Variants in PCOLCE observed in about 807,000 individuals in gnomAD.
PCOLCE encodes the protein procollagen C-endopeptidase enhancer.
A neutral mutation model predicts 47.2 loss-of-function variants in PCOLCE; 33 were observed. That is an observed-to-expected ratio of 0.70 (90% CI 0.53 to 0.93). The LOEUF (loss-of-function observed/expected upper bound fraction) is 0.93. Among genes scored for constraint, PCOLCE ranks in the 40% least tolerant of loss-of-function variants. PCOLCE has a pLI of 0.00. For synonymous variants in PCOLCE, 254 were observed against 252.5 expected (o/e 1.01, Z -0.06); for missense variants, 584 against 585.3 (o/e 1.00, Z 0.02).
In PCOLCE at chr7:100,607,978, G is replaced by A. The variant is rs766006564; in HGVS notation, c.1225G>A (p.Gly409Ser). 6.2e-7 allele frequency: 1 copy of A among 1,614,132 alleles called. No individual in the cohort carries two copies. Among genetic ancestry groups the A allele is most frequent in the South Asian group, 1.1e-5 (1 of 91,086 alleles). ...LLMGQVEENR[G>S]PVLPPESFVV... ...GATGGGCCAGGTAGAAGAGAACAGA[G>A]GCCCCGTCCTTCCTCCAGAGAGCTT... is the stretch of plus-strand genomic sequence containing the variant. The change falls in exon 9 of 9, where the codon GGC (glycine) becomes AGC (serine). Residue 409 changes from glycine to serine, a missense_variant. Gly to Ser is a moderately conservative substitution (Grantham distance 56). Coordinates refer to ENST00000223061, the MANE Select transcript of PCOLCE (RefSeq NM_002593.4).
chr7:100,605,571 A>G lies in PCOLCE; in HGVS notation c.589-105A>G. ...CGCCTTCAGGAGGGGGGCCCAGAGG[A>G]CGCGGGAGGTGGGAGTGGGAGCTGC... is the stretch of plus-strand genomic sequence containing the variant. On this transcript the variant is annotated intron_variant, in intron 4 of 8. Coordinates refer to ENST00000223061, the MANE Select transcript of PCOLCE (RefSeq NM_002593.4). The surrounding 1 kb of genome is among the most constrained non-coding windows in gnomAD (Gnocchi z 6.1). 7.2e-7 allele frequency: 1 copy of G among 1,379,626 alleles called. No homozygotes were observed. The highest frequency in any genetic ancestry group is 9.9e-7 in the Non-Finnish European group (1 of 1,014,194). 85.5% of individuals were successfully genotyped at this position (1,379,626 alleles called of 1,614,324 possible).
chr7:100,605,360 T>A lies in PCOLCE; in HGVS notation c.588+145T>A, dbSNP rs1802695514. On this transcript the variant is annotated intron_variant, in intron 4 of 8. Coordinates refer to ENST00000223061, the MANE Select transcript of PCOLCE (RefSeq NM_002593.4). The surrounding 1 kb of genome is among the most constrained non-coding windows in gnomAD (Gnocchi z 6.1). ...ACCCAAAACAGCCCCAACCCCTGCA[T>A]GCACGCAAACAAAAATGTAAAAATT... The A allele has an allele frequency of 1.3e-6, 1 of 793,170 alleles. No individual in the cohort carries two copies. Among genetic ancestry groups the A allele is most frequent in the African/African-American group, 1.7e-5 (1 of 57,158 alleles). 49.1% of individuals were successfully genotyped at this position (793,170 alleles called of 1,614,324 possible).
In PCOLCE at chr7:100,602,507, C is replaced by A; in HGVS notation, c.51C>A (p.Cys17Ter). ...TCCTGGGGCCCCTCCTCACTGCCTG[C>A]GCCCTGCTGCCTTTTGCCCAGGGCC... ...ASLLGPLLTA[C>*]ALLPFAQGQT... The change falls in exon 1 of 9, where the codon TGC becomes TGA. Residue 17 changes from cysteine to a stop codon, truncating the protein, a stop_gained. Coordinates refer to ENST00000223061, the MANE Select transcript of PCOLCE (RefSeq NM_002593.4). LOFTEE classifies it high-confidence loss of function. The A allele has an allele frequency of 6.2e-7, 1 of 1,612,992 alleles. No homozygotes were observed. The highest frequency in any genetic ancestry group is 8.5e-7 in the Non-Finnish European group (1 of 1,179,698).
Position 100,604,978 on chromosome 7 carries a change from T to A in PCOLCE, c.464-113T>A. 1 of 692,138 alleles carries A rather than the reference T, an allele frequency of 1.4e-6. No individual in the cohort carries two copies. Among genetic ancestry groups the A allele is most frequent in the South Asian group, 1.8e-5 (1 of 56,666 alleles). The allele number at this position is 692,138 out of a possible 1,614,324, so 42.9% of individuals were successfully genotyped here. ...ACCTCCCCTTCTTCTCGTCCCCTCA[T>A]CCTGAGCCCCAGACATCCGAGCTGC... is the stretch of plus-strand genomic sequence containing the variant. On this transcript the variant is annotated intron_variant, in intron 3 of 8. Transcript: ENST00000223061. The surrounding 1 kb of genome is among the most constrained non-coding windows in gnomAD (Gnocchi z 6.4).
chr7:100,603,851 C>T, intron 2 of PCOLCE, 108 bp from the exon 3 acceptor site: 2 of 1,307,696 alleles, frequency 1.5e-6, no homozygotes, highest in African/African-American at 2.9e-5. Context: ...GAGGCCCCTT[C>T]CCATTCAGTC....
chr7:100,606,950 G>T (rs1802727174), intron 6 of PCOLCE, among the ~76,000 whole-genome samples: 1 of 152,060 alleles, frequency 6.6e-6, no homozygotes, highest in Non-Finnish European at 1.5e-5. Flanking sequence ...AATTAGCCAG[G>T]TGTGGTGGTA....
At position 100,607,729 on chromosome 7, in the gene PCOLCE, C is replaced by T. The variant is rs1802741991; in HGVS notation, c.1105C>T (p.Leu369=). The change falls in exon 8 of 9, where the codon CTG becomes TTG. Residue 369 remains leucine (L), a synonymous_variant. Transcript: ENST00000223061. ...TATTGGTGCTTATAAAACTGGAGGA[C>T]TGGACCTGCCTTCTCCACCCACTGG... ...SLIGAYKTGG[L]DLPSPPTGAS... is the part of the protein sequence containing the mutation. 6.2e-7 allele frequency: 1 copy of T among 1,613,896 alleles called. No individual in the cohort carries two copies. The highest frequency in any genetic ancestry group is 1.3e-5 in the African/African-American group (1 of 74,984).
Position 100,602,508 on chromosome 7 carries a change from G to A in PCOLCE, c.52G>A (p.Ala18Thr). ...CCTGGGGCCCCTCCTCACTGCCTGCGCCCTGCTGCCTTTTGCCCAGGGCCA... is the reference window on the plus strand; with the variant it reads ...CCTGGGGCCCCTCCTCACTGCCTGCACCCTGCTGCCTTTTGCCCAGGGCCA... ...SLLGPLLTAC[A>T]LLPFAQGQTP... Residue 18 changes from alanine to threonine, a missense_variant, in exon 1 of 9, where the codon GCC (alanine) becomes ACC (threonine). Physicochemically the swap from Ala to Thr is moderately conservative, Grantham distance 58 (BLOSUM62 0). Coordinates refer to ENST00000223061, the MANE Select transcript of PCOLCE (RefSeq NM_002593.4). The A allele has an allele frequency of 6.2e-7, 1 of 1,613,028 alleles. No individual in the cohort carries two copies. The highest frequency in any genetic ancestry group is 8.5e-7 in the Non-Finnish European group (1 of 1,179,808).
chr7:100,604,285 C>A lies in PCOLCE; in HGVS notation c.463+68C>A. 1 of 1,397,408 alleles carries A rather than the reference C, an allele frequency of 7.2e-7. No individual in the cohort carries two copies. Among genetic ancestry groups the A allele is most frequent in the Non-Finnish European group, 9.7e-7 (1 of 1,034,866 alleles). 86.6% of individuals were successfully genotyped at this position (1,397,408 alleles called of 1,614,324 possible). Reference sequence around the variant, plus strand: ...GCCCCGGCCGCAGCCCCGCCCCCAGCCCTAACCTCCGCCCCGCCCACCCCG... The same window carrying A: ...GCCCCGGCCGCAGCCCCGCCCCCAGACCTAACCTCCGCCCCGCCCACCCCG... On this transcript the variant is annotated intron_variant, in intron 3 of 8. Transcript: ENST00000223061. This position sits in a 1 kb window ranked among gnomAD's most constrained non-coding sequence, Gnocchi z 6.4.
Position 100,602,491 on chromosome 7 carries a change from CCCT to C in PCOLCE, c.40_42del (p.Leu14del). 2 of 1,613,012 alleles carry C rather than the reference CCCT, an allele frequency of 1.2e-6. No individual in the cohort carries two copies. Among genetic ancestry groups the C allele is most frequent in the Non-Finnish European group, 1.7e-6 (2 of 1,179,854 alleles). On this transcript the variant is annotated inframe_deletion, in exon 1 of 9. Coordinates refer to ENST00000223061, the MANE Select transcript of PCOLCE (RefSeq NM_002593.4). ...GCAGCCACAGCCTCCCTCCTGGGGC[CCCT>C]CCTCACTGCCTGCGCCCTGCTGCCT...
Position 100,604,863 on chromosome 7 carries a change from G to A in PCOLCE, c.464-228G>A. 1 of 515,242 alleles carries A rather than the reference G, an allele frequency of 1.9e-6. No homozygotes were observed. The highest frequency in any genetic ancestry group is 2.6e-5 in the South Asian group (1 of 37,800). The allele number at this position is 515,242 out of a possible 1,614,324, so 31.9% of individuals were successfully genotyped here. ...GGGCGTCCAGCCAGTTCCTCCTCCC[G>A]CTTCCACCGCCCGCCAGTGCGCCCT... On this transcript the variant is annotated intron_variant, in intron 3 of 8. Coordinates refer to ENST00000223061, the MANE Select transcript of PCOLCE (RefSeq NM_002593.4). This position sits in a 1 kb window ranked among gnomAD's most constrained non-coding sequence, Gnocchi z 6.4.
rs940136382 is a variant in PCOLCE, at chr7:100,604,923, G to A, written c.464-168G>A. ...GACTTCCCCGAGCCGCGCTCCTCCCGGCCGCTCTCTGTTAACCTGCCCCCA... is the reference window on the plus strand; with the variant it reads ...GACTTCCCCGAGCCGCGCTCCTCCCAGCCGCTCTCTGTTAACCTGCCCCCA... On this transcript the variant is annotated intron_variant, in intron 3 of 8. Coordinates refer to ENST00000223061, the MANE Select transcript of PCOLCE (RefSeq NM_002593.4). The surrounding 1 kb of genome is among the most constrained non-coding windows in gnomAD (Gnocchi z 6.4). 9.4e-6 allele frequency: 5 copies of A among 530,968 alleles called. No homozygotes were observed. The African/African-American group carries it at 9.7e-5, about 10-fold the overall frequency. The allele number at this position is 530,968 out of a possible 1,614,324, so 32.9% of individuals were successfully genotyped here.
rs1190923100 is a variant in PCOLCE at position 100,604,871 on chromosome 7, C to A, written c.464-220C>A. The A allele has an allele frequency of 5.7e-6, 3 of 522,370 alleles. No homozygotes were observed. In the African/African-American group the frequency reaches 5.8e-5, roughly 10 times the overall value. The allele number at this position is 522,370 out of a possible 1,614,324, so 32.4% of individuals were successfully genotyped here. The stretch of plus-strand genomic sequence containing the variant: ...AGCCAGTTCCTCCTCCCGCTTCCAC[C>A]GCCCGCCAGTGCGCCCTGCGGCCCC... On this transcript the variant is annotated intron_variant, in intron 3 of 8. Transcript: ENST00000223061. This position sits in a 1 kb window ranked among gnomAD's most constrained non-coding sequence, Gnocchi z 6.4.
chr7:100,607,460 A>G lies in PCOLCE; in HGVS notation c.949A>G (p.Thr317Ala). 1 of 1,613,998 alleles carries G rather than the reference A, an allele frequency of 6.2e-7. No homozygotes were observed. The highest frequency in any genetic ancestry group is 2.2e-5 in the East Asian group (1 of 44,870). The stretch of plus-strand genomic sequence containing the variant: ...ACCCTCCTCCCTCCTAGATGCACCC[A>G]CCTGCCCAAAGCAGTGCCGCCGGAC... ...EESPSAPDAP[T>A]CPKQCRRTGT... is the part of the protein sequence containing the mutation. Residue 317 changes from threonine (T) to alanine (A), a missense_variant, in exon 7 of 9, where the codon ACC becomes GCC. Coordinates refer to ENST00000223061, the MANE Select transcript of PCOLCE (RefSeq NM_002593.4).
chr7:100,605,265 C>A lies in PCOLCE; in HGVS notation c.588+50C>A. 1 of 1,564,782 alleles carries A rather than the reference C, an allele frequency of 6.4e-7. No individual in the cohort carries two copies. Among genetic ancestry groups the A allele is most frequent in the South Asian group, 1.1e-5 (1 of 87,144 alleles). ...CCCTAGGGGACCCAGGCGGCGCCCT[C>A]CAGCTTGCAGCCAGCAGAGATTTAT... On this transcript the variant is annotated intron_variant, in intron 4 of 8. Coordinates refer to ENST00000223061, the MANE Select transcript of PCOLCE (RefSeq NM_002593.4). The surrounding 1 kb of genome is among the most constrained non-coding windows in gnomAD (Gnocchi z 6.1).
chr7:100,604,528 C>T lies in PCOLCE; in HGVS notation c.463+311C>T. 1 of 481,554 alleles carries T rather than the reference C, an allele frequency of 2.1e-6. No homozygotes were observed. The highest frequency in any genetic ancestry group is 3.8e-6 in the Non-Finnish European group (1 of 262,506). 29.8% of individuals were successfully genotyped at this position (481,554 alleles called of 1,614,324 possible). A position where few individuals can be genotyped will look rare whatever the true frequency, so the allele number is the denominator to read the frequency against. ...GTGAGTAACTGCCGGCCCCCGTCCGCAATCGGGCTCCCTCCGTCGGGCGCG... is the reference window on the plus strand; with the variant it reads ...GTGAGTAACTGCCGGCCCCCGTCCGTAATCGGGCTCCCTCCGTCGGGCGCG... On this transcript the variant is annotated intron_variant, in intron 3 of 8. Transcript: ENST00000223061. This position sits in a 1 kb window ranked among gnomAD's most constrained non-coding sequence, Gnocchi z 6.4.
rs936822638 is a variant in PCOLCE at position 100,605,284 on chromosome 7, G to C, written c.588+69G>C. On this transcript the variant is annotated intron_variant, in intron 4 of 8. Coordinates refer to ENST00000223061, the MANE Select transcript of PCOLCE (RefSeq NM_002593.4). The surrounding 1 kb of genome is among the most constrained non-coding windows in gnomAD (Gnocchi z 6.1). ...CGCCCTCCAGCTTGCAGCCAGCAGA[G>C]ATTTATTGAAGATCTGCTGTGTCCC... 7.4e-5 allele frequency: 110 copies of C among 1,493,984 alleles called. No homozygotes were observed. Among genetic ancestry groups the C allele is most frequent in the Non-Finnish European group, 9.6e-5 (105 of 1,094,408 alleles). The allele number at this position is 1,493,984 out of a possible 1,614,324, so 92.5% of individuals were successfully genotyped here.
chr7:100,605,905 G>A lies in PCOLCE; in HGVS notation c.725+93G>A, dbSNP rs970613901. 5 of 1,363,490 alleles carry A rather than the reference G, an allele frequency of 3.7e-6. No individual in the cohort carries two copies. The highest frequency in any genetic ancestry group is 2.2e-5 in the Admixed American group (1 of 45,162). 84.5% of individuals were successfully genotyped at this position (1,363,490 alleles called of 1,614,324 possible). ...GGGCGGGGTTCAGCTAAAGGGACGG[G>A]ATCTGAACCCCAGGGCTCCAAACCG... On this transcript the variant is annotated intron_variant, in intron 5 of 8. Transcript: ENST00000223061. The surrounding 1 kb of genome is among the most constrained non-coding windows in gnomAD (Gnocchi z 6.1).
At chr7:100,607,282 T>C (rs971251632) in intron 6 of PCOLCE, among the ~76,000 whole-genome samples, 170 bp from the exon 7 acceptor site, 1 of 152,102 alleles carries the variant, frequency 6.6e-6, no homozygotes, top group Non-Finnish European at 1.5e-5. Context: ...CATTCACTCA[T>C]TGATTCATCT....
Sources: gnomAD v4.1 joint callset for allele counts (sites outside exome capture counted in the v4.1 genomes callset) on GRCh38, gnomAD v4.1.1 for gene constraint, Gnocchi (gnomAD v3.1) non-coding constraint, MANE v1.5 for transcripts, NCBI Gene and HGNC (gene_info 2026-07-23, HGNC 2026-07-21) for gene names.